ANKAR: variants seen among roughly 807,000 people sequenced by gnomAD.
ANKAR encodes ankyrin and armadillo repeat containing, also known as ankyrin and armadillo repeat-containing protein.
ANKAR carries 136 observed loss-of-function variants against 146.2 expected under a neutral mutation model. That is an observed-to-expected ratio of 0.93 (90% CI 0.81 to 1.07). The LOEUF (loss-of-function observed/expected upper bound fraction) is 1.07, where lower values mean the gene tolerates loss of function less well. ANKAR is among the 50% of genes least tolerant of loss of function. The pLI is 0.00. For synonymous variants in ANKAR, 500 were observed against 575.8 expected, an observed-to-expected ratio of 0.87 and a Z score of 1.88; for missense variants, 1,567 against 1,679.9, an observed-to-expected ratio of 0.93 and a Z score of 1.18.
chr2:189,750,539 C>T, downstream of ANKAR: 2 of 1,095,624 alleles, frequency 1.8e-6, no homozygotes, highest in Admixed American at 2.2e-5. Flanking sequence ...TAATTTTAAC[C>T]TTAATACTAC....
chr2:189,710,930 G>A, intron 9 of ANKAR, 119 bp from the exon 10 acceptor site: 1 of 729,192 alleles, frequency 1.4e-6, no homozygotes, highest in Non-Finnish European at 2.4e-6. Context: ...CATGCAGTTG[G>A]TGGTAATAGT....
chr2:189,714,883 T>C (rs189283971), intron 10 of ANKAR, among the ~76,000 whole-genome samples: 1 of 147,838 alleles, frequency 6.8e-6, no homozygotes, highest in African/African-American at 2.5e-5. Flanking sequence ...GAGGCGGAGC[T>C]TGCAGTGAGC....
chr2:189,676,899 G>A lies in ANKAR; in HGVS notation c.409G>A (p.Ala137Thr), dbSNP rs879132804. Reference sequence around the variant, plus strand: ...GAGTTCTTCTTGTCAATTACCTCCAGCTTATTATGATACCAGAATTGGGCA... The same window carrying A: ...GAGTTCTTCTTGTCAATTACCTCCAACTTATTATGATACCAGAATTGGGCA... ...DQSSSCQLPP[A>T]YYDTRIGQIL... is the part of the protein sequence containing the mutation. The change falls in exon 2 of 23, where the codon GCT becomes ACT. Residue 137 changes from alanine to threonine, a missense_variant. Coordinates refer to ENST00000684021, the MANE Select transcript of ANKAR (RefSeq NM_001378068.1). 6.2e-7 allele frequency: 1 copy of A among 1,614,082 alleles called. No individual in the cohort carries two copies. Among genetic ancestry groups the A allele is most frequent in the Non-Finnish European group, 8.5e-7 (1 of 1,180,014 alleles).
chr2:189,710,035 C>T (rs1480295864), intron 9 of ANKAR, among the ~76,000 whole-genome samples: 1 of 152,148 alleles, frequency 6.6e-6, no homozygotes, highest in Non-Finnish European at 1.5e-5. Context: ...AATAGCTCTC[C>T]CTCCTCACAC....
chr2:189,729,716 G>GTGTGTGTGTGTGTGTGTGTGTGTGTGTGT (rs1553529034), intron 15 of ANKAR, among the ~76,000 whole-genome samples: 1 of 69,374 alleles, frequency 1.4e-5, no homozygotes, highest in Non-Finnish European at 4.0e-5. Flanking sequence ...GTGTGTGTGT[G>GTGTGTGTGTGTGTGTGTGTGTGTGTGTGT]GTGCGGGTGG....
chr2:189,688,166 A>G (rs570433037), intron 2 of ANKAR, among the ~76,000 whole-genome samples: 2 of 152,254 alleles, frequency 1.3e-5, no homozygotes, highest in South Asian at 4.1e-4. Context: ...GTCTAGTTTT[A>G]TTCTTCTATA....
intron 22 of ANKAR, among the ~76,000 whole-genome samples, chr2:189,746,157 A>G (rs542389690): frequency 6.6e-6 from 1 of 152,362 alleles, no homozygotes; most frequent in African/African-American, 2.4e-5. Context: ...TATTTAAAGT[A>G]GTATTCGTTC....
At chr2:189,738,947 TC>T (rs887557504) in intron 19 of ANKAR, among the ~76,000 whole-genome samples, 6 of 152,072 alleles carry the variant, frequency 3.9e-5, no homozygotes, top group African/African-American at 1.4e-4. Context: ...AACTTTTTTT[TC>T]CAAGATATAA....
chr2:189,728,014 G>C lies in ANKAR; in HGVS notation c.2794G>C (p.Glu932Gln). The C allele has an allele frequency of 2.5e-6, 4 of 1,613,984 alleles. No homozygotes were observed. The highest frequency in any genetic ancestry group is 3.4e-6 in the Non-Finnish European group (4 of 1,179,972). ...CCAAATGAAAGGTGCAATGGCTGTGGAATCACTGGCAAGTCACAACGCTCT... is the reference window on the plus strand; with the variant it reads ...CCAAATGAAAGGTGCAATGGCTGTGCAATCACTGGCAAGTCACAACGCTCT... ...SVQMKGAMAV[E>Q]SLASHNALIQ... Residue 932 changes from glutamate (E) to glutamine (Q), a missense_variant, in exon 13 of 23, where the codon GAA (glutamate) becomes CAA (glutamine). Glu to Gln is a conservative substitution (Grantham distance 29, BLOSUM62 2). Coordinates refer to ENST00000684021, the MANE Select transcript of ANKAR (RefSeq NM_001378068.1).
At chr2:189,692,510 C>T (rs2036573701) in intron 4 of ANKAR, 92 bp downstream of exon 4, 16 of 1,088,140 alleles carry the variant, frequency 1.5e-5, no homozygotes, top group Admixed American at 1.4e-4. Flanking sequence ...TACAGGCACT[C>T]GACAGCTCTC....
intron 12 of ANKAR, among the ~76,000 whole-genome samples, chr2:189,722,686 T>G (rs972694341): frequency 2.0e-5 from 3 of 152,012 alleles, no homozygotes; most frequent in Admixed American, 1.3e-4. Context: ...ATCAAGACCA[T>G]CCTGGCCAAC....
At chr2:189,679,983 A>C (rs1485107860) in intron 2 of ANKAR, among the ~76,000 whole-genome samples, 1 of 152,124 alleles carries the variant, frequency 6.6e-6, no homozygotes, top group African/African-American at 2.4e-5. Context: ...TGTAGGGAGA[A>C]TTCCCTCTTT....
chr2:189,743,214 A>G, intron 20 of ANKAR, 61 bp from the exon 21 acceptor site: 2 of 1,502,850 alleles, frequency 1.3e-6, no homozygotes, highest in South Asian at 2.4e-5. Context: ...AGCTAATTAG[A>G]ACATTAAGAT....
chr2:189,704,497 A>G (rs1181469531), intron 7 of ANKAR, among the ~76,000 whole-genome samples: 1 of 144,158 alleles, frequency 6.9e-6, no homozygotes, highest in African/African-American at 2.5e-5. Context: ...TGGAAAAAAT[A>G]AAAGAAAAAT....
downstream of ANKAR, among the ~76,000 whole-genome samples, chr2:189,749,859 C>A (rs2044846082): frequency 6.6e-6 from 1 of 152,134 alleles, no homozygotes; most frequent in Non-Finnish European, 1.5e-5. Flanking sequence ...CTCTTGAGCA[C>A]ATCTGTAATC....
Position 189,676,506 on chromosome 2 carries a change from A to G in ANKAR, c.16A>G (p.Lys6Glu). MLRLP[K>E]KGLPRFEQVQ... ...TTAATTAGAAATGTTAAGATTGCCC[A>G]AAAAAGGATTACCTAGATTTGAGCA... Residue 6 changes from lysine to glutamate, a missense_variant, in exon 2 of 23, where the codon AAA becomes GAA. Transcript: ENST00000684021. The G allele has an allele frequency of 6.5e-7, 1 of 1,548,924 alleles. No homozygotes were observed. Among genetic ancestry groups the G allele is most frequent in the Middle Eastern group, 1.7e-4 (1 of 5,998 alleles).
At chr2:189,704,572 T>A in intron 7 of ANKAR, among the ~76,000 whole-genome samples, 2 of 118,492 alleles carry the variant, frequency 1.7e-5, no homozygotes, top group Non-Finnish European at 3.6e-5. Context: ...TATATATATA[T>A]ATATATATAT....
At chr2:189,757,994 G>C (rs954438024) in intron 18 of ANKAR, among the ~76,000 whole-genome samples, 1 of 152,178 alleles carries the variant, frequency 6.6e-6, no homozygotes, top group Non-Finnish European at 1.5e-5. Flanking sequence ...CAATGTTGAA[G>C]ATGGGGCCTG....
At chr2:189,750,762 A>C (rs2105962838), downstream of ANKAR, 1 of 761,750 alleles carries the variant, frequency 1.3e-6, no homozygotes, top group South Asian at 2.3e-5. Flanking sequence ...TCAAATATTT[A>C]ATTCATCATA....
Sources: gnomAD v4.1 joint callset for allele counts (sites outside exome capture counted in the v4.1 genomes callset) on GRCh38, gnomAD v4.1.1 for gene constraint, MANE v1.5 for transcripts, NCBI Gene and HGNC (gene_info 2026-07-23, HGNC 2026-07-21) for gene names.